CAMTA1: variants seen among roughly 807,000 people sequenced by gnomAD.
CAMTA1 encodes calmodulin binding transcription activator 1.
Under a neutral mutation model 170.9 loss-of-function variants are expected in CAMTA1, and 27 were observed. That is an observed-to-expected ratio of 0.16 (90% CI 0.12 to 0.22). The LOEUF (loss-of-function observed/expected upper bound fraction) is 0.22, where lower values mean the gene tolerates loss of function less well. CAMTA1 is among the 10% of genes least tolerant of loss of function. The pLI, the probability that CAMTA1 is intolerant of heterozygous loss-of-function variation, is 1.00. For missense variants in CAMTA1, 1,619 were observed against 2,217.2 expected (o/e 0.73, Z 5.42); for synonymous variants, 833 against 891.5 (o/e 0.93, Z 1.17).
chr1:7,689,141 C>A (rs1374321116), intron 11 of CAMTA1, among the ~76,000 whole-genome samples: 1 of 151,304 alleles, frequency 6.6e-6, no homozygotes, highest in East Asian at 2.0e-4. Flanking sequence ...ACAGGTGGCA[C>A]CTGTGGTCCC....
intron 11 of CAMTA1, chr1:7,701,082 A>G (rs2096434350): frequency 6.6e-6 from 1 of 152,266 alleles, no homozygotes; most frequent in Admixed American, 6.5e-5. Context: ...TGTTAAACAA[A>G]TGATATCTAC....
intron 5 of CAMTA1, among the ~76,000 whole-genome samples, chr1:7,418,112 T>G (rs1236732999): frequency 4.2e-5 from 1 of 23,878 alleles, no homozygotes; most frequent in Non-Finnish European, 9.6e-5. Flanking sequence ...TCCTACCCCT[T>G]GGTTTCTCTA....
chr1:7,190,963 T>G (rs1357707943), intron 4 of CAMTA1, among the ~76,000 whole-genome samples: 3 of 152,262 alleles, frequency 2.0e-5, no homozygotes, highest in Non-Finnish European at 2.9e-5. Flanking sequence ...GAGACTTCTT[T>G]CTTCCAGACA....
At chr1:7,139,238 T>G (rs1573383596) in intron 4 of CAMTA1, among the ~76,000 whole-genome samples, 1 of 87,508 alleles carries the variant, frequency 1.1e-5, no homozygotes, top group African/African-American at 3.4e-5. Context: ...AAATATATAT[T>G]TATATTTATA....
intron 6 of CAMTA1, among the ~76,000 whole-genome samples, chr1:7,619,706 G>A (rs1257066472): frequency 3.3e-5 from 5 of 151,404 alleles, no homozygotes; most frequent in Non-Finnish European, 1.5e-5. Context: ...CTGGAGTGCA[G>A]TGGCATGATC....
intron 3 of CAMTA1, among the ~76,000 whole-genome samples, chr1:6,941,360 C>T (rs534721886): frequency 2.6e-5 from 4 of 152,308 alleles, no homozygotes; most frequent in Admixed American, 2.6e-4. Flanking sequence ...CGCACACTTA[C>T]CCCAGCTCTC....
chr1:7,458,842 C>A (rs2093019673), intron 5 of CAMTA1, among the ~76,000 whole-genome samples: 1 of 152,258 alleles, frequency 6.6e-6, no homozygotes, highest in Non-Finnish European at 1.5e-5. Context: ...ATCTAATATT[C>A]CAAATCTCTG....
intron 4 of CAMTA1, among the ~76,000 whole-genome samples, chr1:7,222,017 GTC>G (rs1400510275): frequency 1.3e-5 from 2 of 152,094 alleles, no homozygotes; most frequent in African/African-American, 4.8e-5. Context: ...CGTCTGAACT[GTC>G]TGCTTTCCAA....
intron 5 of CAMTA1, among the ~76,000 whole-genome samples, chr1:7,258,393 C>T (rs1017961080): frequency 2.6e-5 from 4 of 152,084 alleles, no homozygotes; most frequent in African/African-American, 9.7e-5. Context: ...CATAATAGTC[C>T]CTCAACATCA....
At chr1:6,897,610 T>C (rs1202865797) in intron 3 of CAMTA1, among the ~76,000 whole-genome samples, 2 of 152,210 alleles carry the variant, frequency 1.3e-5, no homozygotes, top group East Asian at 3.8e-4. Context: ...CTGGTGAGTT[T>C]TTGAAAGGCA....
chr1:7,101,638 G>C (rs1238645745), intron 4 of CAMTA1, among the ~76,000 whole-genome samples: 2 of 152,238 alleles, frequency 1.3e-5, no homozygotes, highest in East Asian at 3.8e-4. Context: ...TTGTGTGTGT[G>C]AGCTTACACA....
chr1:6,954,783 C>A (rs1689148687), intron 3 of CAMTA1, among the ~76,000 whole-genome samples: 1 of 152,114 alleles, frequency 6.6e-6, no homozygotes, highest in African/African-American at 2.4e-5. Flanking sequence ...CAGGCAGGCA[C>A]TTGTTTCTGA....
chr1:7,747,448 G>A (rs1250901511), intron 18 of CAMTA1, among the ~76,000 whole-genome samples: 1 of 152,186 alleles, frequency 6.6e-6, no homozygotes, highest in African/African-American at 2.4e-5. Flanking sequence ...ACAGTACAAT[G>A]CCTAATTTGT....
At chr1:7,148,262 C>G (rs553363844) in intron 4 of CAMTA1, among the ~76,000 whole-genome samples, 1 of 152,158 alleles carries the variant, frequency 6.6e-6, no homozygotes, top group African/African-American at 2.4e-5. Flanking sequence ...ACACCATGCA[C>G]ACACACAAAC....
intron 5 of CAMTA1, among the ~76,000 whole-genome samples, chr1:7,459,436 T>C (rs1462081950): frequency 1.3e-5 from 2 of 152,214 alleles, no homozygotes; most frequent in Non-Finnish European, 2.9e-5. Flanking sequence ...TGTGCCTTGC[T>C]GTACCTGCTG....
rs148636590 is a variant in CAMTA1 at position 7,760,902 on chromosome 1, G to A, written c.4989+5234G>A. Among the ~76,000 whole-genome samples, 1,430 of 152,320 alleles carry A rather than the reference G, an allele frequency of 9.4e-3. 23 individuals carry two copies. The highest frequency in any genetic ancestry group is 0.033 in the African/African-American group (1,358 of 41,560). On this transcript the variant is annotated intron_variant, in intron 22 of 22. Coordinates refer to ENST00000303635, the MANE Select transcript of CAMTA1 (RefSeq NM_015215.4). ...TTCTCTGGCTGAGCATCACTGAGTA[G>A]ATGTAATGAAGCAGCTTTGCCTTAC...
chr1:6,855,480 A>C (rs1183822748), intron 3 of CAMTA1, among the ~76,000 whole-genome samples: 1 of 151,538 alleles, frequency 6.6e-6, no homozygotes, highest in African/African-American at 2.4e-5. Context: ...GAGAGAGAGG[A>C]GGGGAGGTGC....
chr1:7,003,570 C>G (rs1022974208), intron 3 of CAMTA1, among the ~76,000 whole-genome samples: 1 of 152,050 alleles, frequency 6.6e-6, no homozygotes, highest in East Asian at 1.9e-4. Context: ...ATGCCTAGAG[C>G]GAGGGAGCTC....
rs2093129561 is a variant in CAMTA1 at position 7,463,101 on chromosome 1, G to A, written c.439-4729G>A. On this transcript the variant is annotated intron_variant, in intron 5 of 22. Transcript: ENST00000303635. The surrounding 1 kb of genome is among the most constrained non-coding windows in gnomAD (Gnocchi z 4.7). ...TGGGCACATAAGGCCTCCTGGGGCC[G>A]GGGGTTCATGTGAGCAGGGACACGG... Among the ~76,000 whole-genome samples the A allele has an allele frequency of 6.6e-6, 1 of 152,202 alleles. No homozygotes were observed. The highest frequency in any genetic ancestry group is 1.5e-5 in the Non-Finnish European group (1 of 68,024).
Sources: allele counts gnomAD v4.1 joint callset (sites outside exome capture counted in the v4.1 genomes callset), GRCh38; gene constraint gnomAD v4.1.1; non-coding constraint Gnocchi (gnomAD v3.1); transcripts MANE v1.5; gene names NCBI Gene and HGNC (gene_info 2026-07-23, HGNC 2026-07-21).